Variants in ARHGAP29 observed in about 807,000 individuals in gnomAD.
ARHGAP29 encodes rho GTPase-activating protein 29.
In ARHGAP29, 43 loss-of-function variants were observed where a neutral mutation model predicts 122.6. The observed-to-expected ratio is 0.35, with a 90% confidence interval of 0.27 to 0.45. ARHGAP29 has a LOEUF of 0.45. Ranked by LOEUF, ARHGAP29 falls within the 20% of genes least tolerant of loss-of-function variation. ARHGAP29 has a pLI of 1.00. For missense variants in ARHGAP29, 1,303 were observed against 1,477.2 expected (o/e 0.88, Z 1.93); for synonymous variants, 506 against 497.1 (o/e 1.02, Z -0.24).
the ARHGAP29 span, among the ~76,000 whole-genome samples, chr1:94,299,273 T>A: frequency 6.6e-6 from 1 of 152,218 alleles, no homozygotes; most frequent in Non-Finnish European, 1.5e-5. Flanking sequence ...AAAATTCCAA[T>A]CTTGAATTTA....
At chr1:94,296,788 G>A in the ARHGAP29 span, among the ~76,000 whole-genome samples, 4 of 152,322 alleles carry the variant, frequency 2.6e-5, no homozygotes, top group Non-Finnish European at 4.4e-5. Flanking sequence ...AGAGACACAA[G>A]CTAGAGCAGG....
chr1:94,251,869 C>G (rs1654110587), intron 1 of ARHGAP29, among the ~76,000 whole-genome samples: 2 of 152,172 alleles, frequency 1.3e-5, no homozygotes, highest in Non-Finnish European at 2.9e-5. Context: ...TATCCCTCTA[C>G]TGACTTGATA....
chr1:94,214,765 C>A (rs78602005), intron 3 of ARHGAP29, among the ~76,000 whole-genome samples: 1 of 152,114 alleles, frequency 6.6e-6, no homozygotes, highest in South Asian at 2.1e-4. Context: ...TCCTAAGACA[C>A]GTTTAGTATC....
At chr1:94,237,751 C>A, upstream of ARHGAP29, 3 of 985,358 alleles carry the variant, frequency 3.0e-6, no homozygotes, top group Non-Finnish European at 3.6e-6. Context: ...GTCAGTTGCG[C>A]GCGGCCGGAC....
chr1:94,182,480 T>C (rs999882031), intron 19 of ARHGAP29, among the ~76,000 whole-genome samples: 2 of 151,650 alleles, frequency 1.3e-5, no homozygotes, highest in Admixed American at 6.6e-5. Context: ...GTGGATAAAA[T>C]ACACCCACAT....
the ARHGAP29 span, among the ~76,000 whole-genome samples, chr1:94,305,952 T>C: frequency 1.3e-5 from 2 of 152,114 alleles, no homozygotes; most frequent in Admixed American, 6.6e-5. Flanking sequence ...GACCACATTC[T>C]GGTTCAGTGA....
At chr1:94,247,581 G>A (rs1653864430) in intron 1 of ARHGAP29, among the ~76,000 whole-genome samples, 2 of 151,376 alleles carry the variant, frequency 1.3e-5, no homozygotes, top group Admixed American at 6.6e-5. Context: ...GCTCCATCCC[G>A]CGTCCCGGAC....
chr1:94,191,295 G>C (rs1490608286), intron 12 of ARHGAP29: 1 of 152,170 alleles, frequency 6.6e-6, no homozygotes, highest in Non-Finnish European at 1.5e-5. Context: ...TTTAAGGGTA[G>C]CAATCTGAAT....
chr1:94,272,906 G>A (rs911275962), intron 1 of ARHGAP29, among the ~76,000 whole-genome samples: 2 of 152,164 alleles, frequency 1.3e-5, no homozygotes, highest in African/African-American at 4.8e-5. Context: ...TTATTTCTTG[G>A]AGTCGAAGAT....
Position 94,210,624 on chromosome 1 carries a change from A to G in ARHGAP29, c.341-1274T>C, listed in dbSNP as rs191659296. On this transcript the variant is annotated intron_variant, in intron 3 of 22. Transcript: ENST00000260526. ...ATACAAACAAAAAGAAAAAGTTACC[A>G]TTGCGAATATGGTTCTTAAATAATG... is the stretch of plus-strand genomic sequence containing the variant. Among the ~76,000 whole-genome samples the G allele has an allele frequency of 2.7e-3, 419 of 152,366 alleles. 1 individual carries two copies. Among genetic ancestry groups the G allele is most frequent in the South Asian group, 0.021 (100 of 4,834 alleles).
intron 1 of ARHGAP29, among the ~76,000 whole-genome samples, chr1:94,249,016 T>C (rs1260934338): frequency 1.3e-5 from 2 of 152,204 alleles, no homozygotes; most frequent in Non-Finnish European, 2.9e-5. Context: ...ACCTGGGTCA[T>C]TTTTATAAGT....
intron 2 of ARHGAP29, among the ~76,000 whole-genome samples, chr1:94,221,974 T>TAAA (rs71588515): frequency 2.2e-5 from 3 of 138,094 alleles, no homozygotes; most frequent in East Asian, 2.1e-4. Context: ...GGAAGAACTT[T>TAAA]AAAAAAAAAA....
chr1:94,278,037 C>G (rs906639679), upstream of ARHGAP29, among the ~76,000 whole-genome samples: 4 of 152,150 alleles, frequency 2.6e-5, no homozygotes, highest in Non-Finnish European at 5.9e-5. Context: ...TCAAGTAGGC[C>G]GGATGCAGCG....
chr1:94,292,088 C>A, the ARHGAP29 span, among the ~76,000 whole-genome samples: 1 of 152,204 alleles, frequency 6.6e-6, no homozygotes, highest in African/African-American at 2.4e-5. Context: ...TTCAGATACA[C>A]CATTCAAACG....
chr1:94,201,991 ATCTGT>A (rs1650880244), intron 11 of ARHGAP29, 134 bp from the exon 12 acceptor site: 1 of 892,066 alleles, frequency 1.1e-6, no homozygotes. Flanking sequence ...TCTGAAGTTA[ATCTGT>A]TCTGGTCAGT....
At chr1:94,179,411 T>C (rs1557839139) in intron 20 of ARHGAP29, among the ~76,000 whole-genome samples, 3 of 151,808 alleles carry the variant, frequency 2.0e-5, no homozygotes, top group Non-Finnish European at 4.4e-5. Flanking sequence ...CTGGCCAATA[T>C]GTTGAAACCC....
intron 1 of ARHGAP29, among the ~76,000 whole-genome samples, chr1:94,252,137 A>G (rs1219152147): frequency 1.3e-5 from 2 of 152,246 alleles, no homozygotes; most frequent in Non-Finnish European, 2.9e-5. Flanking sequence ...GAACTATATT[A>G]CATTGTTTGA....
intron 6 of ARHGAP29, 144 bp downstream of exon 6, chr1:94,205,491 A>T: frequency 1.3e-6 from 1 of 762,096 alleles, no homozygotes; most frequent in Non-Finnish European, 2.1e-6. Flanking sequence ...TATTTCCCTT[A>T]AGCTCTATAT....
chr1:94,288,497 T>G, the ARHGAP29 span, among the ~76,000 whole-genome samples: 4 of 152,202 alleles, frequency 2.6e-5, no homozygotes, highest in Non-Finnish European at 5.9e-5. Context: ...AGCTCTTTAG[T>G]TTAATTAGAT....
Sources: allele counts gnomAD v4.1 joint callset (sites outside exome capture counted in the v4.1 genomes callset), GRCh38; gene constraint gnomAD v4.1.1; transcripts MANE v1.5; gene names NCBI Gene and HGNC (gene_info 2026-07-23, HGNC 2026-07-21).